LRBA: variants seen among roughly 807,000 people sequenced by gnomAD.
LRBA encodes lipopolysaccharide-responsive and beige-like anchor protein.
In LRBA, 176 loss-of-function variants were observed where a neutral mutation model predicts 330.0. The observed-to-expected ratio is 0.53, with a 90% CI of 0.47 to 0.60. The LOEUF (loss-of-function observed/expected upper bound fraction) is 0.60. Among genes scored for constraint, LRBA ranks in the 20% least tolerant of loss-of-function variants. The pLI, the probability that LRBA is intolerant of heterozygous loss-of-function variation, is 0.00. For synonymous variants in LRBA, 1,230 were observed against 1,193.0 expected, an observed-to-expected ratio of 1.03 and a Z score of -0.64; for missense variants, 3,259 against 3,444.8, an observed-to-expected ratio of 0.95 and a Z score of 1.35.
chr4:150,925,145 G>A (rs1483422722), intron 4 of LRBA, among the ~76,000 whole-genome samples: 1 of 147,606 alleles, frequency 6.8e-6, no homozygotes, highest in African/African-American at 2.5e-5. Context: ...CAGCCTGGAT[G>A]AGAGTGAGAC....
chr4:150,426,900 G>A (rs1044334752), intron 46 of LRBA, among the ~76,000 whole-genome samples: 1 of 151,548 alleles, frequency 6.6e-6, no homozygotes, highest in Non-Finnish European at 1.5e-5. Context: ...GTTCTTTCTT[G>A]CTTTCAACAC....
chr4:150,790,498 A>T (rs1447280425), intron 34 of LRBA, among the ~76,000 whole-genome samples: 1 of 152,170 alleles, frequency 6.6e-6, no homozygotes, highest in Non-Finnish European at 1.5e-5. Context: ...ATTTTGTATT[A>T]ATGTTTTTGC....
intron 17 of LRBA, among the ~76,000 whole-genome samples, chr4:150,886,084 A>G (rs1184418853): frequency 1.3e-5 from 2 of 152,206 alleles, no homozygotes; most frequent in Admixed American, 6.5e-5. Context: ...TGTCCCAAAT[A>G]TTAATAAAAT....
chr4:150,971,564 T>C (rs1754705429), intron 2 of LRBA, among the ~76,000 whole-genome samples: 1 of 152,214 alleles, frequency 6.6e-6, no homozygotes, highest in Admixed American at 6.5e-5. Flanking sequence ...TACACAGATA[T>C]ACTTGGTTCC....
chr4:150,397,572 C>T lies in LRBA; in HGVS notation c.7194+17866G>A, dbSNP rs540097054. On this transcript the variant is annotated intron_variant, in intron 47 of 56. Transcript: ENST00000651943. ...GGATTATAGATATGTGCCACCATGC[C>T]AGGCCTAAGAATGTATTCTTAAAAT... is the stretch of plus-strand genomic sequence containing the variant. 2.0e-5 allele frequency among the ~76,000 whole-genome samples: 3 copies of T among 152,302 alleles called. No individual in the cohort carries two copies. The East Asian group carries it at 5.8e-4, about 29-fold the overall frequency.
At chr4:150,973,578 T>C (rs1325114458) in intron 2 of LRBA, among the ~76,000 whole-genome samples, 1 of 152,218 alleles carries the variant, frequency 6.6e-6, no homozygotes, top group Non-Finnish European at 1.5e-5. Flanking sequence ...GTGTACAATA[T>C]AGAGTAAAAT....
chr4:150,363,655 A>T (rs577717844), intron 47 of LRBA, among the ~76,000 whole-genome samples: 1 of 152,322 alleles, frequency 6.6e-6, no homozygotes, highest in African/African-American at 2.4e-5. Flanking sequence ...TATATCGCTT[A>T]ATCTATTTCT....
intron 36 of LRBA, among the ~76,000 whole-genome samples, chr4:150,688,409 C>T (rs1469580395): frequency 6.6e-6 from 1 of 152,138 alleles, no homozygotes; most frequent in Non-Finnish European, 1.5e-5. Context: ...GACTTCATGA[C>T]TAAAACACCA....
intron 36 of LRBA, among the ~76,000 whole-genome samples, chr4:150,705,497 G>C (rs1228137892): frequency 6.6e-6 from 1 of 152,054 alleles, no homozygotes; most frequent in Non-Finnish European, 1.5e-5. Context: ...CAAGAGGCAA[G>C]TATAACACTG....
chr4:150,672,828 T>G (rs553183108), intron 37 of LRBA, among the ~76,000 whole-genome samples: 271 of 152,152 alleles, frequency 1.8e-3, no homozygotes, highest in Non-Finnish European at 3.3e-3. Context: ...GTAATTTGCA[T>G]AAAGCCTGGC....
intron 36 of LRBA, among the ~76,000 whole-genome samples, chr4:150,700,972 C>A (rs1400523835): frequency 6.6e-6 from 1 of 152,138 alleles, no homozygotes; most frequent in Non-Finnish European, 1.5e-5. Context: ...GTTGCCCAAG[C>A]TGGTCTCAAA....
chr4:150,841,094 C>G, intron 28 of LRBA: 1 of 545,516 alleles, frequency 1.8e-6, no homozygotes, highest in African/African-American at 2.0e-5. Context: ...TTTTTATAAA[C>G]CACCCCTTTT....
At chr4:150,337,841 T>C (rs1235944069) in intron 48 of LRBA, among the ~76,000 whole-genome samples, 1 of 152,070 alleles carries the variant, frequency 6.6e-6, no homozygotes, top group Admixed American at 6.6e-5. Context: ...TACAGACCAC[T>C]CCCCCAACTA....
intron 36 of LRBA, among the ~76,000 whole-genome samples, chr4:150,697,340 A>AAAAAAAAAAAAAAAAAAAG (rs1784733779): frequency 6.7e-6 from 1 of 148,734 alleles, no homozygotes; most frequent in African/African-American, 2.5e-5. Context: ...AAAAAAAAAA[A>AAAAAAAAAAAAAAAAAAAG]AAAAAAAAAA....
chr4:150,719,866 A>T (rs561258204), intron 36 of LRBA, among the ~76,000 whole-genome samples: 1 of 152,264 alleles, frequency 6.6e-6, no homozygotes, highest in South Asian at 2.1e-4. Flanking sequence ...TACTCTCTTA[A>T]ATGACTGAGG....
intron 42 of LRBA, among the ~76,000 whole-genome samples, chr4:150,487,322 T>C (rs914551145): frequency 2.0e-5 from 3 of 150,978 alleles, no homozygotes; most frequent in Non-Finnish European, 4.4e-5. Flanking sequence ...ATACTATAAA[T>C]ATCTTTCCTA....
At chr4:150,914,414 T>C in intron 8 of LRBA, 73 bp from the exon 9 acceptor site, 2 of 1,071,340 alleles carry the variant, frequency 1.9e-6, no homozygotes, top group Non-Finnish European at 2.6e-6. Flanking sequence ...ACCTATATTA[T>C]CATAAATGTT....
intron 51 of LRBA, among the ~76,000 whole-genome samples, chr4:150,312,468 T>C: frequency 6.6e-6 from 1 of 152,046 alleles, no homozygotes; most frequent in East Asian, 1.9e-4. Context: ...GCCCTTCTTC[T>C]ACTAGATAAA....
intron 47 of LRBA, among the ~76,000 whole-genome samples, chr4:150,351,195 T>A (rs1350967103): frequency 6.6e-6 from 1 of 152,176 alleles, no homozygotes; most frequent in East Asian, 1.9e-4. Context: ...GCCAATAATG[T>A]TTGGTGAATT....
Sources: gnomAD v4.1 joint callset for allele counts (sites outside exome capture counted in the v4.1 genomes callset) on GRCh38, gnomAD v4.1.1 for gene constraint, MANE v1.5 for transcripts, NCBI Gene and HGNC (gene_info 2026-07-23, HGNC 2026-07-21) for gene names.